The following LY9 variants were observed in gnomAD, a reference collection of about 807,000 sequenced individuals.
LY9 encodes the protein lymphocyte antigen 9, also known as T-lymphocyte surface antigen Ly-9.
A neutral mutation model predicts 64.6 loss-of-function variants in LY9; 59 were observed. The observed-to-expected ratio is 0.91, with a 90% CI of 0.74 to 1.13. The LOEUF is 1.13. Among genes scored for constraint, LY9 ranks in the 50% most tolerant of loss-of-function variants. The probability of loss-of-function intolerance (pLI) is 0.00; values close to 1 mark genes in which losing one functional copy is unlikely to be tolerated. For missense variants in LY9, 789 were observed against 797.2 expected, an observed-to-expected ratio of 0.99 and a Z score of 0.12; for synonymous variants, 281 against 308.5, an observed-to-expected ratio of 0.91 and a Z score of 0.93.
intron 2 of LY9, among the ~76,000 whole-genome samples, chr1:160,807,208 T>C (rs1667063357): frequency 6.6e-6 from 1 of 152,230 alleles, no homozygotes; most frequent in Non-Finnish European, 1.5e-5. Flanking sequence ...TTTTTTTAAG[T>C]TACTTTCATG....
Position 160,800,580 on chromosome 1 carries a change from AG to A in LY9, c.454+499del, listed in dbSNP as rs1362297934. 9.9e-5 allele frequency among the ~76,000 whole-genome samples: 15 copies of A among 151,980 alleles called. No homozygotes were observed. The East Asian group carries it at 2.7e-3, about 27-fold the overall frequency. ...TGTTTAAATATATTTAGGGGGTACA[AG>A]TGTAGATTTATTGCATGCACATATT... On this transcript the variant is annotated intron_variant, in intron 2 of 9. Transcript: ENST00000263285.
rs781044198 is a variant in LY9 at position 160,799,859 on chromosome 1, C to T, written c.231C>T (p.Asn77=). 161 of 1,613,802 alleles carry T rather than the reference C, an allele frequency of 1.0e-4. 1 individual carries two copies. Among genetic ancestry groups the T allele is most frequent in the Admixed American group, 1.7e-5 (1 of 60,000 alleles). The part of the protein sequence containing the change: ...LNISVDTEIE[N]VIWIGPKNAL... The stretch of plus-strand genomic sequence containing the variant: ...TCTCAGTAGACACAGAGATTGAGAA[C>T]GTCATCTGGATTGGTCCCAAAAATG... Residue 77 remains asparagine (N), a synonymous_variant, in exon 2 of 10, where the codon AAC becomes AAT. Coordinates refer to ENST00000263285, the MANE Select transcript of LY9 (RefSeq NM_002348.4).
At position 160,816,842 on chromosome 1, in the gene LY9, C is replaced by A. The variant is rs751688961; in HGVS notation, c.1321C>A (p.Leu441Ile). ...TGTCAGCAGGAGTTCCCACCAGTTT[C>A]TTTCTGAGAACATCTGTTCAGGTTT... ...NPVSRSSHQFLSENICSGPER... is the reference protein window; with the variant it reads ...NPVSRSSHQFISENICSGPER... Residue 441 changes from leucine (L) to isoleucine (I), a missense_variant, in exon 5 of 10, where the codon CTT becomes ATT. Leu to Ile is a conservative substitution (Grantham distance 5). Transcript: ENST00000263285. 56 of 1,614,100 alleles carry A rather than the reference C, an allele frequency of 3.5e-5. No homozygotes were observed. The highest frequency in any genetic ancestry group is 1.5e-4 in the South Asian group (14 of 91,092).
rs758467697 is a variant in LY9, at chr1:160,816,620, T to C, written c.1099T>C (p.Trp367Arg). ...CAGGCTGAGGAAGCCCAAAATCACG[T>C]GGAGCCTCAGGCACAGTGAGGATGG... ...YRRLRKPKIT[W>R]SLRHSEDGIC... Residue 367 changes from tryptophan (W) to arginine (R), a missense_variant, in exon 5 of 10, where the codon TGG (tryptophan) becomes CGG (arginine). Physicochemically the swap from Trp to Arg is moderately radical, Grantham distance 101 (BLOSUM62 -3). Coordinates refer to ENST00000263285, the MANE Select transcript of LY9 (RefSeq NM_002348.4). 6 of 1,610,118 alleles carry C rather than the reference T, an allele frequency of 3.7e-6. No homozygotes were observed. Among genetic ancestry groups the C allele is most frequent in the Admixed American group, 1.7e-5 (1 of 59,386 alleles).
intron 3 of LY9, 46 bp downstream of exon 3, chr1:160,813,957 T>A: frequency 1.3e-6 from 2 of 1,580,172 alleles, no homozygotes; most frequent in Non-Finnish European, 1.7e-6. Flanking sequence ...AGAAACAATA[T>A]GAGCAGCTGT....
intron 7 of LY9, among the ~76,000 whole-genome samples, chr1:160,821,722 C>A (rs1321617196): frequency 6.6e-6 from 1 of 152,208 alleles, no homozygotes; most frequent in Non-Finnish European, 1.5e-5. Context: ...CAAACCCTAG[C>A]TCTCCTCCTT....
chr1:160,824,226 T>G lies in LY9; in HGVS notation c.1876T>G (p.Tyr626Asp). The G allele has an allele frequency of 6.2e-7, 1 of 1,614,176 alleles. No homozygotes were observed. ...GAAGGAAGAGAGCTCAGCCACAATC[T>G]ACTGCTCCATACGGAAACCTCAGGT... is the stretch of plus-strand genomic sequence containing the variant. Reference protein sequence around the residue: ...SQKEESSATIYCSIRKPQVVP... With the variant: ...SQKEESSATIDCSIRKPQVVP... Residue 626 changes from tyrosine (Y) to aspartate (D), a missense_variant, in exon 9 of 10, where the codon TAC (tyrosine) becomes GAC (aspartate). Tyr to Asp is a radical substitution (Grantham distance 160). Coordinates refer to ENST00000263285, the MANE Select transcript of LY9 (RefSeq NM_002348.4).
At chr1:160,805,662 C>T (rs1357347265) in intron 2 of LY9, among the ~76,000 whole-genome samples, 1 of 151,754 alleles carries the variant, frequency 6.6e-6, no homozygotes, top group Non-Finnish European at 1.5e-5. Flanking sequence ...GATTTTCCAT[C>T]TAGAAGCTCT....
At chr1:160,818,340 T>C (rs772686188) in intron 6 of LY9, 21 bp downstream of exon 6, 15 of 1,587,952 alleles carry the variant, frequency 9.4e-6, no homozygotes, top group Admixed American at 5.0e-5. Flanking sequence ...GAGATCAATG[T>C]TGTCCGCCAG....
At chr1:160,802,245 A>C in intron 2 of LY9, 1 of 1,052,012 alleles carries the variant, frequency 9.5e-7, no homozygotes, top group East Asian at 8.2e-5. Context: ...GCTGGTAGAG[A>C]CTCCCAAGCC....
At chr1:160,803,217 G>T (rs1182827988) in intron 2 of LY9, among the ~76,000 whole-genome samples, 2 of 152,248 alleles carry the variant, frequency 1.3e-5, no homozygotes, top group African/African-American at 4.8e-5. Context: ...GGGAGGCAGA[G>T]GTTGCAGTGA....
chr1:160,822,532 C>G (rs1352043569), intron 7 of LY9, among the ~76,000 whole-genome samples: 3 of 152,190 alleles, frequency 2.0e-5, no homozygotes, highest in Non-Finnish European at 4.4e-5. Flanking sequence ...TTCACCCATG[C>G]AAGCTCCCAG....
chr1:160,823,135 C>T (rs991684726), intron 7 of LY9, among the ~76,000 whole-genome samples: 5 of 152,218 alleles, frequency 3.3e-5, no homozygotes, highest in African/African-American at 1.2e-4. Flanking sequence ...ACAGGGTGCT[C>T]CTCCAGGGCC....
At chr1:160,797,767 A>G (rs1666030342) in intron 1 of LY9, among the ~76,000 whole-genome samples, 1 of 152,152 alleles carries the variant, frequency 6.6e-6, no homozygotes, top group Admixed American at 6.5e-5. Flanking sequence ...TCATTGCTCC[A>G]TCATTTATTA....
rs1665851515 is a variant in LY9, at chr1:160,796,316, G to A, written c.124+5G>A. On this transcript the variant is annotated splice_donor_5th_base_variant and intron_variant, in intron 1 of 9. Transcript: ENST00000263285. The stretch of plus-strand genomic sequence containing the variant: ...CTCTCCTCTTCCTGCTCATGGGTAA[G>A]TCCACTTTATGGCCACCACTTCTTG... 6.2e-7 allele frequency: 1 copy of A among 1,611,586 alleles called. No individual in the cohort carries two copies. Among genetic ancestry groups the A allele is most frequent in the Non-Finnish European group, 8.5e-7 (1 of 1,179,296 alleles).
rs1301436500 is a variant in LY9, at chr1:160,823,611, A to G, written c.1645A>G (p.Arg549Gly). 2 of 1,614,092 alleles carry G rather than the reference A, an allele frequency of 1.2e-6. No homozygotes were observed. Among genetic ancestry groups the G allele is most frequent in the African/African-American group, 2.7e-5 (2 of 74,950 alleles). Residue 549 changes from arginine to glycine, a missense_variant, in exon 8 of 10, where the codon AGG becomes GGG. Coordinates refer to ENST00000263285, the MANE Select transcript of LY9 (RefSeq NM_002348.4). ...SNLTTEEDED[R>G]PEVHKPISGR... ...CCTCACAACTGAGGAGGATGAGGAC[A>G]GGCCTGAGGTGCACAAGCCCATCAG...
At chr1:160,796,395 T>A (rs963831608) in intron 1 of LY9, 84 bp downstream of exon 1, 1 of 1,482,056 alleles carries the variant, frequency 6.7e-7, no homozygotes, top group Non-Finnish European at 9.0e-7. Flanking sequence ...GATTCTTTTT[T>A]TTGTTTTTTG....
chr1:160,802,030 C>A, intron 2 of LY9: 1 of 1,457,676 alleles, frequency 6.9e-7, no homozygotes, highest in East Asian at 2.5e-5. Flanking sequence ...GTGCCACTGC[C>A]CCCCGAGGCT....
chr1:160,803,073 G>A (rs901663169), intron 2 of LY9, among the ~76,000 whole-genome samples: 1 of 152,062 alleles, frequency 6.6e-6, no homozygotes, highest in Non-Finnish European at 1.5e-5. Context: ...CTTGAGGTCA[G>A]GAGTTCGAGA....
Sources: gnomAD v4.1 joint callset for allele counts (sites outside exome capture counted in the v4.1 genomes callset) on GRCh38, gnomAD v4.1.1 for gene constraint, MANE v1.5 for transcripts, NCBI Gene and HGNC (gene_info 2026-07-23, HGNC 2026-07-21) for gene names.